ZNF536: variants seen among roughly 807,000 people sequenced by gnomAD.
ZNF536 encodes the protein zinc finger protein 536.
In ZNF536, 13 loss-of-function variants were observed where a neutral mutation model predicts 84.5. The observed-to-expected ratio is 0.15, with a 90% CI of 0.10 to 0.24. The LOEUF (loss-of-function observed/expected upper bound fraction) is 0.24, where lower values mean the gene tolerates loss of function less well. Ranked by LOEUF, ZNF536 falls within the 10% of genes least tolerant of loss-of-function variation. The pLI is 1.00. For missense variants in ZNF536, 1,536 were observed against 1,747.5 expected (o/e 0.88, Z 2.16); for synonymous variants, 811 against 742.5 (o/e 1.09, Z -1.50).
At chr19:30,256,169 C>T (rs2024908882) in intron 1 of ZNF536, among the ~76,000 whole-genome samples, 1 of 152,150 alleles carries the variant, frequency 6.6e-6, no homozygotes, top group Non-Finnish European at 1.5e-5. Context: ...TAAGGCCCCA[C>T]AGAAACTTAA....
chr19:30,677,973 G>C, intron 1 of ZNF536, among the ~76,000 whole-genome samples: 1 of 152,198 alleles, frequency 6.6e-6, no homozygotes, highest in Admixed American at 6.5e-5. Context: ...CCTTCCTTGG[G>C]AGGAGAAGAG....
rs533623494 is a variant in ZNF536, at chr19:30,329,108, G to T, written c.-119-23260G>T. ...GAAGGCCAACAGCTATCTAAGAGAG[G>T]CCTCTTAGCCCTCAAGAGTCCCTCT... On this transcript the variant is annotated intron_variant, in intron 2 of 5. Transcript: ENST00000585628. Among the ~76,000 whole-genome samples, 6 of 152,172 alleles carry T rather than the reference G, an allele frequency of 3.9e-5. 1 individual carries two copies. Among genetic ancestry groups the T allele is most frequent in the Admixed American group, 2.6e-4 (4 of 15,282 alleles).
At chr19:30,463,158 G>A (rs1600845993) in intron 2 of ZNF536, among the ~76,000 whole-genome samples, 1 of 152,162 alleles carries the variant, frequency 6.6e-6, no homozygotes, top group Non-Finnish European at 1.5e-5. Flanking sequence ...GGGTGCATGT[G>A]TGTTGCATAT....
downstream of ZNF536, among the ~76,000 whole-genome samples, chr19:30,562,315 G>C (rs1046672489): frequency 6.6e-6 from 1 of 152,150 alleles, no homozygotes; most frequent in Non-Finnish European, 1.5e-5. Flanking sequence ...AAGCATAAGA[G>C]CATGCAGGCT....
intron 1 of ZNF536, among the ~76,000 whole-genome samples, chr19:30,441,099 T>C (rs946254033): frequency 2.0e-5 from 3 of 152,202 alleles, no homozygotes; most frequent in African/African-American, 4.8e-5. Context: ...ATTTGCAGTC[T>C]CGCCGCATTG....
intron 1 of ZNF536, among the ~76,000 whole-genome samples, chr19:30,595,759 C>T (rs745938242): frequency 1.3e-5 from 2 of 152,184 alleles, no homozygotes; most frequent in Non-Finnish European, 2.9e-5. Flanking sequence ...TGGGTGGGCC[C>T]AGGGCCTTTC....
chr19:30,475,226 A>G (rs948050638), intron 2 of ZNF536, among the ~76,000 whole-genome samples: 2 of 152,106 alleles, frequency 1.3e-5, no homozygotes, highest in African/African-American at 2.4e-5. Flanking sequence ...GATTACAGGC[A>G]TGCACCATCA....
intron 2 of ZNF536, among the ~76,000 whole-genome samples, chr19:30,339,756 G>A (rs1431569541): frequency 6.6e-6 from 1 of 152,212 alleles, no homozygotes; most frequent in African/African-American, 2.4e-5. Context: ...AAAGGTTGGA[G>A]AGGGAGGTGG....
At position 30,313,553 on chromosome 19, in the gene ZNF536, AC is replaced by A. The variant is rs765792491; in HGVS notation, c.-120+29417del. 5.9e-5 allele frequency among the ~76,000 whole-genome samples: 9 copies of A among 151,618 alleles called. No individual in the cohort carries two copies. In the South Asian group the frequency reaches 1.9e-3, roughly 32 times the overall value. On this transcript the variant is annotated intron_variant, in intron 2 of 5. Coordinates refer to the ZNF536 transcript ENST00000585628. The stretch of plus-strand genomic sequence containing the variant: ...AAAACCCCAAGCTCTGCTACCTGCC[AC>A]CCCCTGCAACTCTCACCCTCACCCC...
chr19:30,458,155 G>C (rs8101093), intron 2 of ZNF536, among the ~76,000 whole-genome samples: 1 of 152,160 alleles, frequency 6.6e-6, no homozygotes, highest in Admixed American at 6.5e-5. Flanking sequence ...ACACATTTTC[G>C]GGGCCATGCG....
At position 30,580,014 on chromosome 19, in the gene ZNF536, G is replaced by A. The variant is rs146481788; in HGVS notation, c.169+30500G>A. ...CCTAGTTCCAAAGGCCCATGGCTGGGATTGAGCAGACGCAGTTGCTGAGTC... is the reference window on the plus strand; with the variant it reads ...CCTAGTTCCAAAGGCCCATGGCTGGAATTGAGCAGACGCAGTTGCTGAGTC... On this transcript the variant is annotated intron_variant, in intron 1 of 1. Transcript: ENST00000592773. 3.4e-3 allele frequency among the ~76,000 whole-genome samples: 521 copies of A among 152,300 alleles called. 1 individual carries two copies. The highest frequency in any genetic ancestry group is 6.2e-3 in the South Asian group (30 of 4,822).
intron 1 of ZNF536, among the ~76,000 whole-genome samples, chr19:30,402,796 A>ATATATATATATATTTATATATAT (rs1555744993): frequency 1.2e-5 from 1 of 85,610 alleles, no homozygotes; most frequent in Non-Finnish European, 2.4e-5. Flanking sequence ...AAAATTAAAA[A>ATATATATATATATTTATATATAT]ATATATATAT....
chr19:30,432,703 T>A (rs2051530722), intron 1 of ZNF536, among the ~76,000 whole-genome samples: 1 of 152,242 alleles, frequency 6.6e-6, no homozygotes, highest in Admixed American at 6.5e-5. Flanking sequence ...TTTATTTTCA[T>A]CCTTTACTGG....
intron 4 of ZNF536, among the ~76,000 whole-genome samples, chr19:30,552,133 A>G (rs1447702221): frequency 6.6e-6 from 1 of 152,184 alleles, no homozygotes; most frequent in African/African-American, 2.4e-5. Context: ...TTCCCTTTGC[A>G]AGGGTAGAAG....
chr19:30,683,951 G>T (rs1322922031), intron 1 of ZNF536, among the ~76,000 whole-genome samples: 1 of 152,132 alleles, frequency 6.6e-6, no homozygotes, highest in Non-Finnish European at 1.5e-5. Flanking sequence ...CATGCCTTTA[G>T]TATTGCTTTT....
chr19:30,348,834 A>G (rs1006865640), intron 2 of ZNF536, among the ~76,000 whole-genome samples: 1 of 130,428 alleles, frequency 7.7e-6, no homozygotes, highest in Admixed American at 8.0e-5. Context: ...TTTTATTTTC[A>G]CGTGATCCCT....
intron 1 of ZNF536, among the ~76,000 whole-genome samples, chr19:30,238,315 T>A (rs1034218041): frequency 2.6e-5 from 4 of 152,134 alleles, no homozygotes; most frequent in Non-Finnish European, 5.9e-5. Flanking sequence ...ATTTCCTATG[T>A]ATCTGAAGAT....
intron 2 of ZNF536, among the ~76,000 whole-genome samples, chr19:30,497,269 C>T (rs895918462): frequency 6.6e-6 from 1 of 152,192 alleles, no homozygotes; most frequent in Non-Finnish European, 1.5e-5. Context: ...ATCACTCTGC[C>T]GGTGACCTTT....
At chr19:30,281,349 C>A (rs28633123) in intron 1 of ZNF536, among the ~76,000 whole-genome samples, 1 of 152,046 alleles carries the variant, frequency 6.6e-6, no homozygotes, top group Non-Finnish European at 1.5e-5. Flanking sequence ...CTGGAAGTTG[C>A]GGCCACTCTG....
Sources: gnomAD v4.1 joint callset for allele counts (sites outside exome capture counted in the v4.1 genomes callset) on GRCh38, gnomAD v4.1.1 for gene constraint, MANE v1.5 for transcripts, NCBI Gene and HGNC (gene_info 2026-07-23, HGNC 2026-07-21) for gene names.